FZD3: variants seen among roughly 807,000 people sequenced by gnomAD.
FZD3 encodes frizzled class receptor 3, also known as frizzled-3.
FZD3 carries 30 observed loss-of-function variants against 60.7 expected under a neutral mutation model. That is an observed-to-expected ratio of 0.49 (90% CI 0.37 to 0.67). The LOEUF (loss-of-function observed/expected upper bound fraction) is 0.67. Among genes scored for constraint, FZD3 ranks in the 30% least tolerant of loss-of-function variants. The probability of loss-of-function intolerance (pLI) is 0.00; values close to 1 mark genes in which losing one functional copy is unlikely to be tolerated. For synonymous variants in FZD3, 246 were observed against 275.2 expected (o/e 0.89, Z 1.05); for missense variants, 605 against 838.7 (o/e 0.72, Z 3.44).
In FZD3 at chr8:28,568,901, C is replaced by T. The variant is rs1475972760; in HGVS notation, c.*5890C>T. The T allele has an allele frequency of 2.0e-5, 3 of 152,072 alleles. No homozygotes were observed. The highest frequency in any genetic ancestry group is 2.1e-4 in the South Asian group (1 of 4,814). 9.4% of individuals were successfully genotyped at this position (152,072 alleles called of 1,614,324 possible). ...GAAAGCGTTGCTTATACTTTATGCT[C>T]ATTTTATTGGTCACTGTCACCAGTT... On this transcript the variant is annotated 3_prime_UTR_variant, in exon 8 of 8. Coordinates refer to ENST00000240093, the MANE Select transcript of FZD3 (RefSeq NM_017412.4).
rs991850641 is a variant in FZD3, at chr8:28,566,521, A to G, written c.*3510A>G. On this transcript the variant is annotated 3_prime_UTR_variant, in exon 8 of 8. Coordinates refer to ENST00000240093, the MANE Select transcript of FZD3 (RefSeq NM_017412.4). ...GAATGTCTTCAAATTAGAAAAATTT[A>G]CTACATTTTAACCTACCTCATCAGT... 2 of 152,324 alleles carry G rather than the reference A, an allele frequency of 1.3e-5. No individual in the cohort carries two copies. The highest frequency in any genetic ancestry group is 2.1e-4 in the South Asian group (1 of 4,830). The allele number at this position is 152,324 out of a possible 1,614,324, so 9.4% of individuals were successfully genotyped here. A position where few individuals can be genotyped will look rare whatever the true frequency, so the allele number is the denominator to read the frequency against.
At chr8:28,503,284 A>AT in intron 3 of FZD3, 82 bp downstream of exon 3, 1 of 733,422 alleles carries the variant, frequency 1.4e-6, no homozygotes, top group South Asian at 2.2e-5. Context: ...AATGTGTTTG[A>AT]TAAACAACAG....
At chr8:28,521,652 A>T (rs1458421407) in intron 4 of FZD3, among the ~76,000 whole-genome samples, 2 of 152,172 alleles carry the variant, frequency 1.3e-5, no homozygotes, top group African/African-American at 4.8e-5. Flanking sequence ...TTTGTTTTAA[A>T]ATCATTCCCA....
Position 28,520,345 on chromosome 8 carries a change from C to T in FZD3, c.190-293C>T, listed in dbSNP as rs1585964054. On this transcript the variant is annotated intron_variant, in intron 3 of 7. Transcript: ENST00000240093. Reference sequence around the variant, plus strand: ...GGTGCATGTCTTTTGTGGATTTATTCTTTGTAAAATGGATATTGTCAGTGG... The same window carrying T: ...GGTGCATGTCTTTTGTGGATTTATTTTTTGTAAAATGGATATTGTCAGTGG... Among the ~76,000 whole-genome samples, 4 of 151,682 alleles carry T rather than the reference C, an allele frequency of 2.6e-5. No individual in the cohort carries two copies. In the South Asian group the frequency reaches 8.3e-4, roughly 32 times the overall value.
chr8:28,573,197 C>G lies in FZD3; in HGVS notation c.*10186C>G, dbSNP rs1049649216. 19 of 152,116 alleles carry G rather than the reference C, an allele frequency of 1.2e-4. No individual in the cohort carries two copies. Among genetic ancestry groups the G allele is most frequent in the Non-Finnish European group, 2.5e-4 (17 of 67,996 alleles). 9.4% of individuals were successfully genotyped at this position (152,116 alleles called of 1,614,324 possible). A position where few individuals can be genotyped will look rare whatever the true frequency, so the allele number is the denominator to read the frequency against. On this transcript the variant is annotated 3_prime_UTR_variant, in exon 8 of 8. Transcript: ENST00000240093. The stretch of plus-strand genomic sequence containing the variant: ...CCCCTAGTCATTCTTATCAATACTT[C>G]CAAAATATAACCTATCTCAAGTGTT...
chr8:28,504,796 C>G (rs891522912), intron 3 of FZD3, among the ~76,000 whole-genome samples: 6 of 152,278 alleles, frequency 3.9e-5, no homozygotes, highest in Non-Finnish European at 8.8e-5. Context: ...TGTATTTGCT[C>G]CAGTGAATTT....
intron 7 of FZD3, among the ~76,000 whole-genome samples, chr8:28,560,440 C>T (rs1053257150): frequency 3.9e-5 from 6 of 151,964 alleles, no homozygotes; most frequent in African/African-American, 1.2e-4. Flanking sequence ...CTTAATTATC[C>T]ATGGGCAGGT....
intron 3 of FZD3, among the ~76,000 whole-genome samples, chr8:28,505,844 T>C (rs1451472037): frequency 2.0e-5 from 3 of 152,236 alleles, no homozygotes; most frequent in Non-Finnish European, 4.4e-5. Context: ...TTTATTGAGA[T>C]TGGGACATGT....
chr8:28,532,690 G>T (rs1804911265), intron 5 of FZD3, among the ~76,000 whole-genome samples: 1 of 151,992 alleles, frequency 6.6e-6, no homozygotes, highest in Admixed American at 6.6e-5. Flanking sequence ...TGGGATTATA[G>T]GTGTGAGCTA....
rs1408117338 is a variant in FZD3 at position 28,565,107 on chromosome 8, CTCA to C, written c.*2100_*2102del. 6.6e-6 allele frequency: 1 copy of C among 152,120 alleles called. No individual in the cohort carries two copies. The highest frequency in any genetic ancestry group is 1.5e-5 in the Non-Finnish European group (1 of 68,014). 9.4% of individuals were successfully genotyped at this position (152,120 alleles called of 1,614,324 possible). On this transcript the variant is annotated 3_prime_UTR_variant, in exon 8 of 8. Transcript: ENST00000240093. ...AAATTAGGTGTTGAAAAAGAATATT[CTCA>C]TCAGGCAGCAAAGTCAGTTTTCTGA...
At chr8:28,522,483 C>T (rs1254337075) in intron 4 of FZD3, among the ~76,000 whole-genome samples, 1 of 152,142 alleles carries the variant, frequency 6.6e-6, no homozygotes, top group African/African-American at 2.4e-5. Flanking sequence ...TTCATGTCTT[C>T]TGTCTCCAGA....
chr8:28,511,876 A>G (rs767845513), intron 3 of FZD3, among the ~76,000 whole-genome samples: 1 of 152,190 alleles, frequency 6.6e-6, no homozygotes, highest in Non-Finnish European at 1.5e-5. Flanking sequence ...TTGTATGCCC[A>G]GTACCCGACA....
chr8:28,508,231 AAC>A (rs894728906), intron 3 of FZD3, among the ~76,000 whole-genome samples: 1 of 152,148 alleles, frequency 6.6e-6, no homozygotes. Context: ...AGTGGTGTTT[AAC>A]AGTTTCTTTT....
chr8:28,494,370 C>T (rs1016259222), intron 1 of FZD3, 27 bp downstream of exon 1: 1 of 152,180 alleles, frequency 6.6e-6, no homozygotes, highest in South Asian at 2.1e-4. Flanking sequence ...GTGTGGGCCC[C>T]TGGGCCGGGG....
rs2130238552 is a variant in FZD3 at position 28,494,321 on chromosome 8, GGA to G, written c.-411_-410del. ...AGGCGGTGCAGCCCCCCCACCCCTT[GGA>G]GCCAGGCGCCGGGGTCTGAGGTGAG... On this transcript the variant is annotated 5_prime_UTR_variant, in exon 1 of 8. Coordinates refer to ENST00000240093, the MANE Select transcript of FZD3 (RefSeq NM_017412.4). The G allele has an allele frequency of 6.7e-6, 1 of 148,784 alleles. No homozygotes were observed. Among genetic ancestry groups the G allele is most frequent in the Admixed American group, 6.6e-5 (1 of 15,114 alleles). The allele number at this position is 148,784 out of a possible 1,614,324, so 9.2% of individuals were successfully genotyped here.
intron 3 of FZD3, among the ~76,000 whole-genome samples, chr8:28,511,709 A>G (rs1455703040): frequency 6.6e-6 from 1 of 152,132 alleles, no homozygotes; most frequent in East Asian, 1.9e-4. Flanking sequence ...GAAATCTGGG[A>G]TGCCTAGAAG....
At position 28,561,011 on chromosome 8, in the gene FZD3, A is replaced by G. The variant is rs1805602837; in HGVS notation, c.1788-1787A>G. 2.0e-5 allele frequency among the ~76,000 whole-genome samples: 3 copies of G among 152,328 alleles called. No individual in the cohort carries two copies. The South Asian group carries it at 6.2e-4, about 32-fold the overall frequency. On this transcript the variant is annotated intron_variant, in intron 7 of 7. Transcript: ENST00000240093. ...AAATGTTTAAAATATTTAAATATTT[A>G]TCTTTTCACATTTAACTTTTCTTTT... is the stretch of plus-strand genomic sequence containing the variant.
At chr8:28,518,940 C>T (rs1804502563) in intron 3 of FZD3, among the ~76,000 whole-genome samples, 1 of 152,162 alleles carries the variant, frequency 6.6e-6, no homozygotes, top group African/African-American at 2.4e-5. Flanking sequence ...AAATAGATAA[C>T]TTAAAATTTT....
At position 28,563,333 on chromosome 8, in the gene FZD3, G is replaced by A. The variant is rs1805650316; in HGVS notation, c.*322G>A. ...ATCCTAAATGTGTGGTGACTGCTTT[G>A]TAGTGAACTTTCATATACTATAAAC... is the stretch of plus-strand genomic sequence containing the variant. On this transcript the variant is annotated 3_prime_UTR_variant, in exon 8 of 8. Coordinates refer to ENST00000240093, the MANE Select transcript of FZD3 (RefSeq NM_017412.4). 1 of 314,522 alleles carries A rather than the reference G, an allele frequency of 3.2e-6. No individual in the cohort carries two copies. Among genetic ancestry groups the A allele is most frequent in the Admixed American group, 4.4e-5 (1 of 22,542 alleles). The allele number at this position is 314,522 out of a possible 1,614,324, so 19.5% of individuals were successfully genotyped here.
Sources: allele counts gnomAD v4.1 joint callset (sites outside exome capture counted in the v4.1 genomes callset), GRCh38; gene constraint gnomAD v4.1.1; transcripts MANE v1.5; gene names NCBI Gene and HGNC (gene_info 2026-07-23, HGNC 2026-07-21).